Variants in SERINC3 observed in about 807,000 individuals in gnomAD.
SERINC3 encodes serine incorporator 3.
Under a neutral mutation model 52.1 loss-of-function variants are expected in SERINC3, and 22 were observed. The ratio of observed to expected loss-of-function variants is 0.42; its 90% CI spans 0.30 to 0.60. The LOEUF (loss-of-function observed/expected upper bound fraction) is 0.60, where lower values mean the gene tolerates loss of function less well. Ranked by LOEUF, SERINC3 falls within the 20% of genes least tolerant of loss-of-function variation. SERINC3 has a pLI of 0.16. For synonymous variants in SERINC3, 226 were observed against 212.7 expected (o/e 1.06, Z -0.54); for missense variants, 564 against 584.6 (o/e 0.96, Z 0.36).
intron 1 of SERINC3, among the ~76,000 whole-genome samples, 195 bp from the exon 2 acceptor site, chr20:44,514,235 C>T (rs1219991242): frequency 1.3e-5 from 2 of 152,172 alleles, no homozygotes; most frequent in Non-Finnish European, 2.9e-5. Flanking sequence ...CAGCAAGTTA[C>T]GTACTCTAAC....
In SERINC3 at chr20:44,513,021, G is replaced by A. The variant is rs201957527; in HGVS notation, c.202-27C>T. ...TGGAAAAAAGCAATTTCAATGTTAC[G>A]AGAATATCTACATTTAGACAGAGAC... On this transcript the variant is annotated intron_variant, in intron 2 of 9. Transcript: ENST00000342374. The A allele has an allele frequency of 5.5e-5, 79 of 1,436,256 alleles. No individual in the cohort carries two copies. In the African/African-American group the frequency reaches 6.2e-4, roughly 11 times the overall value. The allele number at this position is 1,436,256 out of a possible 1,614,324, so 89.0% of individuals were successfully genotyped here.
At chr20:44,513,417 C>T (rs1042843306) in intron 2 of SERINC3, among the ~76,000 whole-genome samples, 6 of 152,046 alleles carry the variant, frequency 3.9e-5, no homozygotes, top group South Asian at 2.1e-4. Flanking sequence ...ACCAGGGAGG[C>T]GGAGGTTGCA....
chr20:44,502,172 A>G (rs1045960006), intron 8 of SERINC3, among the ~76,000 whole-genome samples: 21 of 152,254 alleles, frequency 1.4e-4, no homozygotes, highest in Admixed American at 1.2e-3. Context: ...AAAGAAGTAA[A>G]ACTATCTCTA....
intron 8 of SERINC3, among the ~76,000 whole-genome samples, 162 bp downstream of exon 8, chr20:44,503,653 A>AT (rs1043714297): frequency 6.6e-5 from 10 of 152,218 alleles, no homozygotes; most frequent in Non-Finnish European, 1.5e-4. Flanking sequence ...GTCTCAAAAA[A>AT]ATATATATGT....
At chr20:44,508,299 C>G (rs1024636903) in intron 5 of SERINC3, among the ~76,000 whole-genome samples, 5 of 152,004 alleles carry the variant, frequency 3.3e-5, no homozygotes, top group Non-Finnish European at 5.9e-5. Flanking sequence ...ATGGCAAAAC[C>G]CTGTCTCTAC....
At chr20:44,517,696 G>C (rs2064388909) in intron 1 of SERINC3, among the ~76,000 whole-genome samples, 2 of 152,084 alleles carry the variant, frequency 1.3e-5, no homozygotes, top group Admixed American at 1.3e-4. Flanking sequence ...CTAGAATTCA[G>C]AGATAAGAAA....
At chr20:44,511,188 A>T in intron 4 of SERINC3, 101 bp downstream of exon 4, 2 of 812,610 alleles carry the variant, frequency 2.5e-6, no homozygotes, top group Non-Finnish European at 4.1e-6. Flanking sequence ...TGCTGAGCTT[A>T]CAGGTGTGAG....
chr20:44,497,039 A>G (rs556031400), downstream of SERINC3, among the ~76,000 whole-genome samples: 2 of 152,326 alleles, frequency 1.3e-5, no homozygotes, highest in African/African-American at 4.8e-5. Flanking sequence ...TAACGAGGTA[A>G]AAGTGGCAGC....
In SERINC3 at chr20:44,498,140, C is replaced by G. The variant is rs2064258445; in HGVS notation, c.*2156G>C. 6.6e-6 allele frequency: 1 copy of G among 152,138 alleles called. No individual in the cohort carries two copies. Among genetic ancestry groups the G allele is most frequent in the South Asian group, 2.1e-4 (1 of 4,830 alleles). The allele number at this position is 152,138 out of a possible 1,614,324, so 9.4% of individuals were successfully genotyped here. Reference sequence around the variant, plus strand: ...CCTCTTAACCATTCTTAAGAGACCACCTACCTCCATTCTTCTTCGAACACA... The same window carrying G: ...CCTCTTAACCATTCTTAAGAGACCAGCTACCTCCATTCTTCTTCGAACACA... On this transcript the variant is annotated 3_prime_UTR_variant, in exon 10 of 10. Coordinates refer to ENST00000342374, the MANE Select transcript of SERINC3 (RefSeq NM_006811.4).
intron 1 of SERINC3, among the ~76,000 whole-genome samples, chr20:44,514,948 T>C (rs1247237491): frequency 6.6e-6 from 1 of 152,176 alleles, no homozygotes; most frequent in Non-Finnish European, 1.5e-5. Flanking sequence ...GAAACTGCTA[T>C]TAAAACAAAA....
In SERINC3 at chr20:44,500,404, G is replaced by A. The variant is rs772739671; in HGVS notation, c.1314C>T (p.Ser438=). 1.3e-6 allele frequency: 2 copies of A among 1,579,798 alleles called. No homozygotes were observed. Among genetic ancestry groups the A allele is most frequent in the South Asian group, 2.3e-5 (2 of 86,456 alleles). ...TCTTGACCCACACAGCTGGCCACTT[G>A]CTGGTCATGCTCTGAAACTTTGCAT... ...SPDAKFQSMT[S]KWPAVWVKIS... Residue 438 remains serine, a synonymous_variant, in exon 10 of 10, where the codon AGC becomes AGT. Coordinates refer to ENST00000342374, the MANE Select transcript of SERINC3 (RefSeq NM_006811.4).
rs546850612 is a variant in SERINC3 at position 44,510,639 on chromosome 20, C to T, written c.476-611G>A. Among the ~76,000 whole-genome samples the T allele has an allele frequency of 3.9e-5, 6 of 152,144 alleles. No homozygotes were observed. The South Asian group carries it at 1.0e-3, about 26-fold the overall frequency. The stretch of plus-strand genomic sequence containing the variant: ...CCAGCCTGGCCAAGATGGTGAAACC[C>T]CGTCTCTGCCTAAAATACAAAAATT... On this transcript the variant is annotated intron_variant, in intron 4 of 9. Transcript: ENST00000342374.
intron 5 of SERINC3, among the ~76,000 whole-genome samples, chr20:44,508,702 T>A (rs1049089930): frequency 3.3e-5 from 5 of 152,134 alleles, no homozygotes; most frequent in African/African-American, 9.7e-5. Context: ...ATACCTACAC[T>A]CACTGGTAAG....
chr20:44,506,832 T>G lies in SERINC3; in HGVS notation c.778A>C (p.Ile260Leu), dbSNP rs570011073. Residue 260 changes from isoleucine (I) to leucine (L), a missense_variant, in exon 6 of 10, where the codon ATT becomes CTT. Physicochemically the swap from Ile to Leu is conservative, Grantham distance 5. Coordinates refer to ENST00000342374, the MANE Select transcript of SERINC3 (RefSeq NM_006811.4). ...VASIISIHPK[I>L]QEHQPRSGLL... Reference sequence around the variant, plus strand: ...GAAGTAGTAAACAATCATACCTGAATTTTTGGGTGGATCGATATAATAGAA... The same window carrying G: ...GAAGTAGTAAACAATCATACCTGAAGTTTTGGGTGGATCGATATAATAGAA... 4.5e-6 allele frequency: 7 copies of G among 1,568,226 alleles called. No homozygotes were observed. The highest frequency in any genetic ancestry group is 6.0e-6 in the Non-Finnish European group (7 of 1,160,130).
downstream of SERINC3, among the ~76,000 whole-genome samples, chr20:44,496,593 G>A (rs562999560): frequency 7.2e-5 from 11 of 152,112 alleles, no homozygotes; most frequent in East Asian, 1.9e-3. Context: ...CAGGAGTTCG[G>A]GACCAGCCTG....
Position 44,497,885 on chromosome 20 carries a change from CATA to C in SERINC3, c.*2408_*2410del, listed in dbSNP as rs1436211829. 1 of 152,136 alleles carries C rather than the reference CATA, an allele frequency of 6.6e-6. No homozygotes were observed. Among genetic ancestry groups the C allele is most frequent in the Non-Finnish European group, 1.5e-5 (1 of 68,040 alleles). 9.4% of individuals were successfully genotyped at this position (152,136 alleles called of 1,614,324 possible). A position where few individuals can be genotyped will look rare whatever the true frequency, so the allele number is the denominator to read the frequency against. ...CTTTGAATATTGTCTTATTTTAGCC[CATA>C]ATGAGATCAGCAGCTACTGTCAGTG... On this transcript the variant is annotated 3_prime_UTR_variant, in exon 10 of 10. Transcript: ENST00000342374.
Position 44,512,913 on chromosome 20 carries a change from A to C in SERINC3, c.283T>G (p.Tyr95Asp). 7 of 1,573,074 alleles carry C rather than the reference A, an allele frequency of 4.4e-6. No homozygotes were observed. Among genetic ancestry groups the C allele is most frequent in the Non-Finnish European group, 5.1e-6 (6 of 1,166,716 alleles). ...AAGCTGATCCGATACACAGCTTTAT[A>C]ACCAACCAGCACATCACAATCTTTA... ...ADKDCDVLVG[Y>D]KAVYRISFAM... Residue 95 changes from tyrosine to aspartate, a missense_variant, in exon 3 of 10, where the codon TAT becomes GAT. By Grantham distance (160) the Tyr-to-Asp change is radical. Transcript: ENST00000342374.
At position 44,509,995 on chromosome 20, in the gene SERINC3, A is replaced by G. The variant is rs1363075321; in HGVS notation, c.509T>C (p.Leu170Pro). 1.2e-6 allele frequency: 2 copies of G among 1,614,062 alleles called. No homozygotes were observed. The highest frequency in any genetic ancestry group is 2.7e-5 in the African/African-American group (2 of 74,938). The change falls in exon 5 of 10, where the codon CTC becomes CCC. Residue 170 changes from leucine (L) to proline (P), a missense_variant. Coordinates refer to ENST00000342374, the MANE Select transcript of SERINC3 (RefSeq NM_006811.4). ...CAGCACCAGCTGAATGAGGATGAAG[A>G]GGGCGGCCCCTATCATGCCAACAAC... ...WFVVGMIGAA[L>P]FILIQLVLLV...
chr20:44,514,968 C>T (rs563584200), intron 1 of SERINC3, among the ~76,000 whole-genome samples: 6 of 152,244 alleles, frequency 3.9e-5, no homozygotes, highest in South Asian at 2.1e-4. Flanking sequence ...AGCTTGTACA[C>T]GAATATTCAC....
Sources: gnomAD v4.1 joint callset for allele counts (sites outside exome capture counted in the v4.1 genomes callset) on GRCh38, gnomAD v4.1.1 for gene constraint, MANE v1.5 for transcripts, NCBI Gene and HGNC (gene_info 2026-07-23, HGNC 2026-07-21) for gene names.